The following MDGA2 variants were observed in gnomAD, a reference collection of about 807,000 sequenced individuals.
MDGA2 encodes the protein MAM domain-containing glycosylphosphatidylinositol anchor protein 2.
A neutral mutation model predicts 117.8 loss-of-function variants in MDGA2; 40 were observed. The observed-to-expected ratio is 0.34, with a 90% CI of 0.26 to 0.44. The LOEUF (loss-of-function observed/expected upper bound fraction) is 0.44, where lower values mean the gene tolerates loss of function less well. Among genes scored for constraint, MDGA2 ranks in the 20% least tolerant of loss-of-function variants. The pLI is 1.00. For synonymous variants in MDGA2, 452 were observed against 439.0 expected (o/e 1.03, Z -0.37); for missense variants, 1,123 against 1,250.6 (o/e 0.90, Z 1.54).
At chr14:46,965,581 A>G (rs1305850260) in intron 8 of MDGA2, among the ~76,000 whole-genome samples, 2 of 152,180 alleles carry the variant, frequency 1.3e-5, no homozygotes, top group East Asian at 1.9e-4. Flanking sequence ...AACCAAGCGC[A>G]CTCATTATAG....
Position 47,220,702 on chromosome 14 carries a change from T to C in MDGA2, c.421-2507A>G, listed in dbSNP as rs193242298. On this transcript the variant is annotated intron_variant, in intron 2 of 16. Coordinates refer to ENST00000399232, the MANE Select transcript of MDGA2 (RefSeq NM_001113498.3). Reference sequence around the variant, plus strand: ...GTTATTCAGATTTTTCTGTGACTGATAGCCAAACTCAATTCTAATTGATTT... The same window carrying C: ...GTTATTCAGATTTTTCTGTGACTGACAGCCAAACTCAATTCTAATTGATTT... 9.8e-4 allele frequency among the ~76,000 whole-genome samples: 150 copies of C among 152,336 alleles called. 2 individuals are homozygous for C. The highest frequency in any genetic ancestry group is 3.3e-3 in the African/African-American group (139 of 41,582).
chr14:47,633,303 T>C (rs1897270426), intron 1 of MDGA2, among the ~76,000 whole-genome samples: 1 of 152,086 alleles, frequency 6.6e-6, no homozygotes, highest in African/African-American at 2.4e-5. Context: ...GATGAGCCCA[T>C]AAGAACACCA....
chr14:46,970,686 T>C (rs1029880440), intron 8 of MDGA2, among the ~76,000 whole-genome samples: 3 of 152,000 alleles, frequency 2.0e-5, no homozygotes, highest in African/African-American at 7.2e-5. Flanking sequence ...ATAACAAAAA[T>C]AGACAAATGG....
intron 1 of MDGA2, among the ~76,000 whole-genome samples, chr14:47,586,358 G>A (rs553083602): frequency 1.4e-4 from 21 of 151,948 alleles, no homozygotes; most frequent in Non-Finnish European, 2.5e-4. Context: ...CATGGTTCCT[G>A]TTTCAGTGGT....
intron 1 of MDGA2, among the ~76,000 whole-genome samples, chr14:47,303,199 G>A (rs539971224): frequency 1.3e-5 from 2 of 152,132 alleles, no homozygotes; most frequent in Non-Finnish European, 2.9e-5. Context: ...TGCAATGACA[G>A]AGCTAGTTAG....
intron 5 of MDGA2, among the ~76,000 whole-genome samples, chr14:47,105,779 C>A (rs1880627351): frequency 6.6e-6 from 1 of 151,578 alleles, no homozygotes; most frequent in Non-Finnish European, 1.5e-5. Context: ...TCAGTACCAA[C>A]CCCAAGCATC....
chr14:47,297,863 C>T (rs1286643267), intron 2 of MDGA2, among the ~76,000 whole-genome samples: 6 of 152,096 alleles, frequency 3.9e-5, no homozygotes, highest in Admixed American at 2.6e-4. Context: ...TTCATACCTA[C>T]ACATCCAAAT....
At chr14:47,285,366 C>T (rs1390386552) in intron 2 of MDGA2, among the ~76,000 whole-genome samples, 1 of 152,010 alleles carries the variant, frequency 6.6e-6, no homozygotes, top group African/African-American at 2.4e-5. Flanking sequence ...AAGCTTTCAT[C>T]ATCTCTGTAT....
intron 8 of MDGA2, among the ~76,000 whole-genome samples, chr14:47,012,098 T>C (rs1007484988): frequency 6.6e-6 from 1 of 152,052 alleles, no homozygotes; most frequent in Admixed American, 6.6e-5. Context: ...ATTAAAATAG[T>C]GTATGATGAC....
chr14:47,090,750 T>C (rs1459910844), intron 6 of MDGA2, among the ~76,000 whole-genome samples: 1 of 152,136 alleles, frequency 6.6e-6, no homozygotes, highest in Non-Finnish European at 1.5e-5. Context: ...GGCAGTCTTA[T>C]AGAAGTCTGG....
intron 1 of MDGA2, among the ~76,000 whole-genome samples, chr14:47,408,193 C>A (rs1892300244): frequency 6.6e-6 from 1 of 151,042 alleles, no homozygotes. Context: ...GTAGCTGGGA[C>A]TACAGATGTG....
chr14:46,899,300 C>T (rs1343424555), intron 10 of MDGA2, among the ~76,000 whole-genome samples: 4 of 151,900 alleles, frequency 2.6e-5, no homozygotes, highest in Non-Finnish European at 5.9e-5. Flanking sequence ...GGAGTCTTTT[C>T]AAAGCAGAAT....
chr14:47,324,919 T>C (rs753572053), intron 1 of MDGA2, among the ~76,000 whole-genome samples: 5 of 152,060 alleles, frequency 3.3e-5, no homozygotes, highest in Non-Finnish European at 7.4e-5. Context: ...GTAGGCTCCA[T>C]ATATGACATA....
chr14:47,420,998 T>C (rs1248276085), intron 1 of MDGA2, among the ~76,000 whole-genome samples: 1 of 152,032 alleles, frequency 6.6e-6, no homozygotes, highest in African/African-American at 2.4e-5. Flanking sequence ...CTGAGAAATA[T>C]AGTACAGCAA....
intron 6 of MDGA2, among the ~76,000 whole-genome samples, chr14:47,079,609 A>ACATTTATTG (rs1402849603): frequency 6.6e-5 from 10 of 152,158 alleles, no homozygotes; most frequent in African/African-American, 2.2e-4. Context: ...CTTTAGAAAG[A>ACATTTATTG]CATTTATTGC....
At chr14:47,181,686 AT>A (rs757058763) in intron 3 of MDGA2, among the ~76,000 whole-genome samples, 27 of 152,046 alleles carry the variant, frequency 1.8e-4, no homozygotes, top group South Asian at 4.2e-4. Context: ...CTTCTCAATT[AT>A]TTTTTTTCCT....
intron 10 of MDGA2, among the ~76,000 whole-genome samples, chr14:46,905,590 T>C (rs1180609114): frequency 6.6e-6 from 1 of 152,176 alleles, no homozygotes; most frequent in Non-Finnish European, 1.5e-5. Flanking sequence ...TTAAAATTTA[T>C]CAAGTTATTA....
chr14:47,328,648 A>T (rs1010679574), intron 1 of MDGA2, among the ~76,000 whole-genome samples: 1 of 152,090 alleles, frequency 6.6e-6, no homozygotes, highest in Admixed American at 6.6e-5. Flanking sequence ...AACTGTTTTG[A>T]ATTTTTTTAA....
At chr14:47,549,364 T>TCC (rs1220671550) in intron 1 of MDGA2, among the ~76,000 whole-genome samples, 3 of 151,920 alleles carry the variant, frequency 2.0e-5, no homozygotes, top group African/African-American at 7.3e-5. Flanking sequence ...TCTCTCTCTC[T>TCC]CTCTCTCTGA....
Sources: allele counts gnomAD v4.1 joint callset (sites outside exome capture counted in the v4.1 genomes callset), GRCh38; gene constraint gnomAD v4.1.1; transcripts MANE v1.5; gene names NCBI Gene and HGNC (gene_info 2026-07-23, HGNC 2026-07-21).